Variants in TPP2 observed in about 807,000 individuals in gnomAD.
The protein encoded by TPP2 is tripeptidyl peptidase 2.
A neutral mutation model predicts 155.9 loss-of-function variants in TPP2; 34 were observed. That is an observed-to-expected ratio of 0.22 (90% confidence interval 0.17 to 0.29). The LOEUF (loss-of-function observed/expected upper bound fraction) is 0.29, where lower values mean the gene tolerates loss of function less well. Among genes scored for constraint, TPP2 ranks in the 10% least tolerant of loss-of-function variants. TPP2 has a pLI of 1.00. For missense variants in TPP2, 1,028 were observed against 1,522.3 expected, an observed-to-expected ratio of 0.68 and a Z score of 5.40; for synonymous variants, 510 against 529.4, an observed-to-expected ratio of 0.96 and a Z score of 0.50.
intron 26 of TPP2, 73 bp from the exon 27 acceptor site, chr13:102,664,722 A>T: frequency 6.8e-7 from 1 of 1,474,164 alleles, no homozygotes; most frequent in South Asian, 1.3e-5. Context: ...CATGGTTGAG[A>T]CAGCAGAAGT....
At position 102,637,247 on chromosome 13, in the gene TPP2, T is replaced by C; in HGVS notation, c.1836+8T>C. On this transcript the variant is annotated splice_region_variant and intron_variant, in intron 14 of 29. Coordinates refer to ENST00000376052, the MANE Select transcript of TPP2 (RefSeq NM_001330588.2). ...GGATTGCATTATACAGAGGTATTGA[T>C]GTATCTTCATTTTTACTTTCTTCAC... 1 of 1,578,662 alleles carries C rather than the reference T, an allele frequency of 6.3e-7. No individual in the cohort carries two copies. The highest frequency in any genetic ancestry group is 8.5e-7 in the Non-Finnish European group (1 of 1,173,540).
chr13:102,642,915 T>G (rs1256163199), intron 16 of TPP2, among the ~76,000 whole-genome samples: 3 of 152,240 alleles, frequency 2.0e-5, no homozygotes, highest in Non-Finnish European at 2.9e-5. Flanking sequence ...GGTACCCGAT[T>G]AATGTAATTG....
chr13:102,613,246 A>G (rs138614896), intron 2 of TPP2, among the ~76,000 whole-genome samples: 1 of 152,294 alleles, frequency 6.6e-6, no homozygotes, highest in East Asian at 1.9e-4. Context: ...TCCTCTATTT[A>G]GTTGTGAGGA....
intron 5 of TPP2, among the ~76,000 whole-genome samples, chr13:102,619,288 C>T (rs1376437524): frequency 3.9e-5 from 6 of 152,124 alleles, no homozygotes. Flanking sequence ...CCATCATGTA[C>T]GTTTTTTAGT....
At chr13:102,624,226 A>G (rs1881390100) in intron 6 of TPP2, among the ~76,000 whole-genome samples, 1 of 152,180 alleles carries the variant, frequency 6.6e-6, no homozygotes, top group South Asian at 2.1e-4. Context: ...TGGAAAGATT[A>G]TGCACACCAG....
intron 2 of TPP2, among the ~76,000 whole-genome samples, chr13:102,605,127 C>CCAGTAGTTCA (rs60891021): frequency 0.41 from 61,648 of 151,724 alleles, 12,951 homozygotes; most frequent in African/African-American, 0.5. Context: ...TAACGGGGTT[C>CCAGTAGTTCA]CAGTCGCCCT....
chr13:102,670,112 A>G (rs80301604), intron 27 of TPP2, among the ~76,000 whole-genome samples: 2,753 of 151,726 alleles, frequency 0.018, 37 homozygotes, highest in Middle Eastern at 0.037. Flanking sequence ...CCAAATAACC[A>G]CTTTTCCATT....
At chr13:102,609,938 G>C (rs1880149943) in intron 2 of TPP2, among the ~76,000 whole-genome samples, 1 of 152,092 alleles carries the variant, frequency 6.6e-6, no homozygotes, top group South Asian at 2.1e-4. Flanking sequence ...GCAGGATGTG[G>C]GATGGGGCAA....
rs186502597 is a variant in TPP2, at chr13:102,621,219, G to C, written c.621-1658G>C. ...GGTGGTTATAAGAAACTGACCTGTG[G>C]AATGTGTCACTGTATTTGCTGTGAG... On this transcript the variant is annotated intron_variant, in intron 5 of 29. Transcript: ENST00000376052. Among the ~76,000 whole-genome samples, 241 of 152,300 alleles carry C rather than the reference G, an allele frequency of 1.6e-3. 3 individuals are homozygous for C. The highest frequency in any genetic ancestry group is 0.016 in the Admixed American group (241 of 15,298).
chr13:102,601,191 A>G (rs1784047151), intron 1 of TPP2, among the ~76,000 whole-genome samples: 1 of 152,232 alleles, frequency 6.6e-6, no homozygotes, highest in Non-Finnish European at 1.5e-5. Flanking sequence ...CCTTTACAAA[A>G]GCAAAGATTG....
chr13:102,630,204 A>C lies in TPP2; in HGVS notation c.1244+9A>C, dbSNP rs774370831. The C allele has an allele frequency of 1.2e-6, 2 of 1,601,634 alleles. No individual in the cohort carries two copies. On this transcript the variant is annotated intron_variant, in intron 10 of 29. Coordinates refer to ENST00000376052, the MANE Select transcript of TPP2 (RefSeq NM_001330588.2). ...TCTTCTAGAGGACCTAGGTAGGTGC[A>C]GGTAGAACGCGGAACCATTACGTAT...
intron 5 of TPP2, among the ~76,000 whole-genome samples, chr13:102,619,392 T>C (rs549406357): frequency 6.6e-6 from 1 of 152,102 alleles, no homozygotes; most frequent in Non-Finnish European, 1.5e-5. Flanking sequence ...CAGGAAGACA[T>C]TGTTAATACA....
intron 27 of TPP2, among the ~76,000 whole-genome samples, chr13:102,673,029 C>T (rs1643977780): frequency 6.6e-6 from 1 of 152,204 alleles, no homozygotes; most frequent in South Asian, 2.1e-4. Flanking sequence ...TTCTCTACTA[C>T]CCACATTGCC....
chr13:102,661,621 T>C (rs1264936868), intron 25 of TPP2, among the ~76,000 whole-genome samples: 1 of 152,132 alleles, frequency 6.6e-6, no homozygotes, highest in African/African-American at 2.4e-5. Flanking sequence ...GGGTGAGTAA[T>C]CTGAATAGAT....
intron 7 of TPP2, 88 bp downstream of exon 7, chr13:102,627,254 G>T (rs931426715): frequency 9.1e-6 from 12 of 1,320,118 alleles, no homozygotes; most frequent in Non-Finnish European, 1.2e-5. Flanking sequence ...AGTTTACCAA[G>T]AATACATTGA....
chr13:102,614,032 C>A, intron 2 of TPP2, 69 bp from the exon 3 acceptor site: 1 of 1,364,080 alleles, frequency 7.3e-7, no homozygotes, highest in Non-Finnish European at 1.0e-6. Context: ...TACTTTTTTG[C>A]TCAGTAGTGT....
At chr13:102,614,653 AGT>A (rs1880581848) in intron 3 of TPP2, among the ~76,000 whole-genome samples, 1 of 140,088 alleles carries the variant, frequency 7.1e-6, no homozygotes, top group Non-Finnish European at 1.5e-5. Flanking sequence ...TGTTAAGGTA[AGT>A]GTTAATTCAG....
At position 102,649,128 on chromosome 13, in the gene TPP2, T is replaced by C. The variant is rs1283563204; in HGVS notation, c.2850T>C (p.Phe950=). 1.2e-6 allele frequency: 2 copies of C among 1,610,864 alleles called. No homozygotes were observed. The highest frequency in any genetic ancestry group is 1.7e-6 in the Non-Finnish European group (2 of 1,178,610). ...CACCCAAATATAACCAGCCATTCTTTGTTACTTCCTTACCTGATGATAAGT... is the reference window on the plus strand; with the variant it reads ...CACCCAAATATAACCAGCCATTCTTCGTTACTTCCTTACCTGATGATAAGT... ...TLPPKYNQPF[F]VTSLPDDKIP... The change falls in exon 22 of 30, where the codon TTT becomes TTC. Residue 950 remains phenylalanine, a synonymous_variant. Transcript: ENST00000376052.
At chr13:102,654,733 T>A (rs1285589867) in intron 24 of TPP2, among the ~76,000 whole-genome samples, 2 of 152,216 alleles carry the variant, frequency 1.3e-5, no homozygotes, top group African/African-American at 2.4e-5. Flanking sequence ...AGAATGGAGC[T>A]ATATTAACAG....
Sources: gnomAD v4.1 joint callset for allele counts (sites outside exome capture counted in the v4.1 genomes callset) on GRCh38, gnomAD v4.1.1 for gene constraint, MANE v1.5 for transcripts, NCBI Gene and HGNC (gene_info 2026-07-23, HGNC 2026-07-21) for gene names.